MECOM: variants seen among roughly 807,000 people sequenced by gnomAD.
MECOM encodes histone-lysine N-methyltransferase MECOM.
MECOM carries 13 observed loss-of-function variants against 116.3 expected under a neutral mutation model. The ratio of observed to expected loss-of-function variants is 0.11; its 90% CI spans 0.07 to 0.18. MECOM has a LOEUF of 0.18. Among genes scored for constraint, MECOM ranks in the 10% least tolerant of loss-of-function variants. The probability of loss-of-function intolerance (pLI) is 1.00; values close to 1 mark genes in which losing one functional copy is unlikely to be tolerated. For synonymous variants in MECOM, 528 were observed against 535.2 expected (o/e 0.99, Z 0.19); for missense variants, 1,299 against 1,509.0 (o/e 0.86, Z 2.31).
chr3:169,115,109 T>C (rs559076134), intron 8 of MECOM, among the ~76,000 whole-genome samples: 2 of 152,256 alleles, frequency 1.3e-5, no homozygotes, highest in African/African-American at 4.8e-5. Context: ...TCCCATATTT[T>C]CCACTCCAAA....
chr3:169,195,688 G>T (rs901856092), intron 2 of MECOM, among the ~76,000 whole-genome samples: 1 of 151,946 alleles, frequency 6.6e-6, no homozygotes, highest in African/African-American at 2.4e-5. Context: ...TATACCTTAA[G>T]GTGGTCAGAG....
intron 1 of MECOM, among the ~76,000 whole-genome samples, chr3:169,530,104 A>G (rs543016613): frequency 3.6e-4 from 54 of 152,070 alleles, no homozygotes; most frequent in African/African-American, 1.2e-3. Flanking sequence ...CATCCAAGGT[A>G]GCACTTAAGG....
rs569458074 is a variant in MECOM at position 169,577,605 on chromosome 3, G to A, written c.37+85731C>T. 3.0e-4 allele frequency among the ~76,000 whole-genome samples: 46 copies of A among 152,184 alleles called. No homozygotes were observed. The South Asian group carries it at 8.1e-3, about 27-fold the overall frequency. On this transcript the variant is annotated intron_variant, in intron 1 of 16. Transcript: ENST00000651503. ...GACTCATAGTGTTAGGCCCCATGGA[G>A]GTGTTAAATGAATGAATGAATGAAT... is the stretch of plus-strand genomic sequence containing the variant.
chr3:169,189,421 T>C (rs6798110), intron 2 of MECOM, among the ~76,000 whole-genome samples: 52,144 of 151,760 alleles, frequency 0.34, 10,288 homozygotes, highest in African/African-American at 0.55. Context: ...AAAAATCCTT[T>C]GGGGCTCTGC....
At chr3:169,118,402 T>C (rs1729874762) in intron 7 of MECOM, among the ~76,000 whole-genome samples, 1 of 152,094 alleles carries the variant, frequency 6.6e-6, no homozygotes, top group Non-Finnish European at 1.5e-5. Flanking sequence ...TCGACCAGAG[T>C]CAGCTTTAAA....
intron 1 of MECOM, among the ~76,000 whole-genome samples, chr3:169,546,203 C>CTA (rs1233802520): frequency 6.6e-6 from 1 of 152,136 alleles, no homozygotes; most frequent in Non-Finnish European, 1.5e-5. Flanking sequence ...GTATCTTACT[C>CTA]TATATATGCT....
chr3:169,203,731 A>G (rs1749512282), intron 2 of MECOM, among the ~76,000 whole-genome samples: 1 of 152,116 alleles, frequency 6.6e-6, no homozygotes, highest in African/African-American at 2.4e-5. Flanking sequence ...TCTTAGGGAG[A>G]GATTAAAGTC....
At chr3:169,441,380 A>G (rs1231899877) in intron 1 of MECOM, among the ~76,000 whole-genome samples, 1 of 152,206 alleles carries the variant, frequency 6.6e-6, no homozygotes, top group Non-Finnish European at 1.5e-5. Flanking sequence ...TATTTGAATC[A>G]TACCCATTTT....
chr3:169,100,366 C>T (rs1576905473), intron 12 of MECOM, among the ~76,000 whole-genome samples: 1 of 151,970 alleles, frequency 6.6e-6, no homozygotes, highest in Non-Finnish European at 1.5e-5. Flanking sequence ...CCCAAAGTGT[C>T]GGGATTACAA....
At position 169,114,484 on chromosome 3, in the gene MECOM, C is replaced by G. The variant is rs1377298750; in HGVS notation, c.2489+899G>C. Among the ~76,000 whole-genome samples, 4 of 152,066 alleles carry G rather than the reference C, an allele frequency of 2.6e-5. No individual in the cohort carries two copies. In the South Asian group the frequency reaches 6.2e-4, roughly 24 times the overall value. ...TAAATATTGTTGAATTAAATAATAG[C>G]ACATTTTCTCTTCACGAAAGAGAAT... is the stretch of plus-strand genomic sequence containing the variant. On this transcript the variant is annotated intron_variant, in intron 8 of 16. Transcript: ENST00000651503.
chr3:169,342,262 G>A (rs1724671305), intron 2 of MECOM, among the ~76,000 whole-genome samples: 1 of 151,676 alleles, frequency 6.6e-6, no homozygotes, highest in Non-Finnish European at 1.5e-5. Context: ...GAATAATTTT[G>A]TATGAATTTT....
chr3:169,186,763 C>T (rs1012186610), intron 2 of MECOM, among the ~76,000 whole-genome samples: 2 of 152,126 alleles, frequency 1.3e-5, no homozygotes, highest in African/African-American at 4.8e-5. Context: ...TAGTCTTGCT[C>T]TGACTCAGCT....
chr3:169,408,063 A>G (rs1372719960), intron 1 of MECOM, among the ~76,000 whole-genome samples: 1 of 152,238 alleles, frequency 6.6e-6, no homozygotes, highest in African/African-American at 2.4e-5. Context: ...AAATGCCAAT[A>G]TTCTGCATAT....
chr3:169,464,990 TC>T (rs1217640376), intron 1 of MECOM, among the ~76,000 whole-genome samples: 4 of 152,160 alleles, frequency 2.6e-5, no homozygotes, highest in Admixed American at 2.6e-4. Context: ...TTTCCTCAAT[TC>T]ACCTCTTTTT....
chr3:169,475,578 G>A (rs1321214171), intron 1 of MECOM, among the ~76,000 whole-genome samples: 1 of 151,180 alleles, frequency 6.6e-6, no homozygotes, highest in African/African-American at 2.5e-5. Flanking sequence ...CTAAAAAGTC[G>A]AAGTTTTTTT....
intron 2 of MECOM, among the ~76,000 whole-genome samples, chr3:169,153,509 C>G (rs1741480694): frequency 6.6e-6 from 1 of 152,024 alleles, no homozygotes; most frequent in Non-Finnish European, 1.5e-5. Context: ...TGGAAAAAAC[C>G]TCAACTCTAT....
chr3:169,340,098 C>T (rs945644985), intron 2 of MECOM, among the ~76,000 whole-genome samples: 4 of 152,170 alleles, frequency 2.6e-5, no homozygotes, highest in African/African-American at 7.2e-5. Context: ...TACATACATG[C>T]ACATTTTTCA....
rs75230288 is a variant in MECOM at position 169,516,505 on chromosome 3, T to A, written c.38-134981A>T. Among the ~76,000 whole-genome samples the A allele has an allele frequency of 6.3e-3, 966 of 152,342 alleles. 14 individuals carry two copies. The highest frequency in any genetic ancestry group is 0.017 in the Middle Eastern group (5 of 294). ...TTTTTAGCAATAAAAGAATGTTCTTTTTTTTAAGGTAACATCTATAGACCA... is the reference window on the plus strand; with the variant it reads ...TTTTTAGCAATAAAAGAATGTTCTTATTTTTAAGGTAACATCTATAGACCA... On this transcript the variant is annotated intron_variant, in intron 1 of 16. Transcript: ENST00000651503.
chr3:169,389,562 A>T, intron 1 of MECOM: 1 of 985,358 alleles, frequency 1.0e-6, no homozygotes, highest in Middle Eastern at 5.2e-4. Flanking sequence ...CCTCTGATGG[A>T]CCTGATGGGC....
Sources: gnomAD v4.1 joint callset for allele counts (sites outside exome capture counted in the v4.1 genomes callset) on GRCh38, gnomAD v4.1.1 for gene constraint, MANE v1.5 for transcripts, NCBI Gene and HGNC (gene_info 2026-07-23, HGNC 2026-07-21) for gene names.